The following ANXA3 variants were observed in gnomAD, a reference collection of about 807,000 sequenced individuals.
The protein encoded by ANXA3 is 35-alpha calcimedin.
In ANXA3, 46 loss-of-function variants were observed where a neutral mutation model predicts 48.8. The observed-to-expected ratio is 0.94, with a 90% CI of 0.74 to 1.21. The LOEUF (loss-of-function observed/expected upper bound fraction) is 1.21. Ranked by LOEUF, ANXA3 falls within the 50% of genes most tolerant of loss-of-function variation. The probability of loss-of-function intolerance (pLI) is 0.00; values close to 1 mark genes in which losing one functional copy is unlikely to be tolerated. For missense variants in ANXA3, 383 were observed against 378.6 expected (o/e 1.01, Z -0.10); for synonymous variants, 128 against 134.7 (o/e 0.95, Z 0.35).
intron 2 of ANXA3, among the ~76,000 whole-genome samples, chr4:78,560,431 G>A (rs114072437): frequency 0.018 from 2,704 of 152,262 alleles, 94 homozygotes; most frequent in African/African-American, 0.062. Flanking sequence ...AGTTTATTAT[G>A]AGGGATACCC....
At chr4:78,585,004 G>A (rs575182805) in intron 5 of ANXA3, among the ~76,000 whole-genome samples, 1 of 152,178 alleles carries the variant, frequency 6.6e-6, no homozygotes, top group Non-Finnish European at 1.5e-5. Context: ...TGTGTTGGGC[G>A]CAAGTCCAGT....
chr4:78,604,771 A>T (rs190765643), intron 12 of ANXA3, among the ~76,000 whole-genome samples: 6 of 152,342 alleles, frequency 3.9e-5, no homozygotes, highest in African/African-American at 1.2e-4. Flanking sequence ...TTTACATGAG[A>T]CAGCATGGTT....
At chr4:78,580,619 T>A (rs901594070) in intron 4 of ANXA3, among the ~76,000 whole-genome samples, 3 of 152,180 alleles carry the variant, frequency 2.0e-5, no homozygotes, top group Non-Finnish European at 2.9e-5. Context: ...CGGCCAACTG[T>A]TGAGAGGGTC....
At chr4:78,601,019 A>T (rs1723523320) in intron 10 of ANXA3, among the ~76,000 whole-genome samples, 1 of 152,202 alleles carries the variant, frequency 6.6e-6, no homozygotes, top group Non-Finnish European at 1.5e-5. Context: ...ATTCTAATCC[A>T]GTCATTTAAA....
At chr4:78,553,741 G>C (rs922047555) in intron 1 of ANXA3, among the ~76,000 whole-genome samples, 4 of 152,212 alleles carry the variant, frequency 2.6e-5, no homozygotes, top group Admixed American at 6.5e-5. Context: ...TTCTCTGGGG[G>C]TGTCAGGGAA....
At chr4:78,593,729 T>TGGGCCCAAGCAGACCTCCC (rs1723353894) in intron 7 of ANXA3, among the ~76,000 whole-genome samples, 1 of 149,132 alleles carries the variant, frequency 6.7e-6, no homozygotes, top group Non-Finnish European at 1.5e-5. Flanking sequence ...CTCGACCTCC[T>TGGGCCCAAGCAGACCTCCC]GGGCCCAAGC....
intron 6 of ANXA3, among the ~76,000 whole-genome samples, chr4:78,590,268 A>G (rs1357353400): frequency 6.6e-6 from 1 of 152,218 alleles, no homozygotes; most frequent in East Asian, 1.9e-4. Context: ...AATGATGCCT[A>G]CTAAATATTA....
chr4:78,597,286 T>C, intron 9 of ANXA3, 33 bp from the exon 10 acceptor site: 3 of 1,392,910 alleles, frequency 2.2e-6, no homozygotes, highest in Non-Finnish European at 2.0e-6. Flanking sequence ...TCAACTGCGT[T>C]GCTTTAAATA....
At chr4:78,587,859 TGAG>T (rs999973646) in intron 6 of ANXA3, among the ~76,000 whole-genome samples, 16 of 152,244 alleles carry the variant, frequency 1.1e-4, no homozygotes, top group South Asian at 1.0e-3. Flanking sequence ...TTGGGGAGGC[TGAG>T]GTCAGCGGAT....
At chr4:78,552,988 A>C (rs1722430655) in intron 1 of ANXA3, among the ~76,000 whole-genome samples, 1 of 152,264 alleles carries the variant, frequency 6.6e-6, no homozygotes, top group Non-Finnish European at 1.5e-5. Flanking sequence ...AATTCTGTTT[A>C]AGTCATTTGG....
At chr4:78,573,828 GGT>G (rs1372623711) in intron 3 of ANXA3, among the ~76,000 whole-genome samples, 2 of 152,116 alleles carry the variant, frequency 1.3e-5, no homozygotes, top group African/African-American at 4.8e-5. Context: ...GGCACTGGTG[GGT>G]GTGTGATTGA....
chr4:78,586,497 A>C (rs1411321113), intron 6 of ANXA3, 147 bp downstream of exon 6: 1 of 577,784 alleles, frequency 1.7e-6, no homozygotes, highest in African/African-American at 1.9e-5. Context: ...TCAGCTAAAG[A>C]CTATGAGTTT....
chr4:78,557,235 T>A (rs1324285974), intron 2 of ANXA3, among the ~76,000 whole-genome samples: 2 of 152,206 alleles, frequency 1.3e-5, no homozygotes, highest in Non-Finnish European at 2.9e-5. Context: ...GAACCAGCAA[T>A]GATGCATCAA....
At chr4:78,568,742 T>G (rs1240880661) in intron 2 of ANXA3, among the ~76,000 whole-genome samples, 1 of 152,184 alleles carries the variant, frequency 6.6e-6, no homozygotes, top group African/African-American at 2.4e-5. Flanking sequence ...CCAGGGGCAA[T>G]AGCAAACAGC....
chr4:78,569,289 G>C (rs565830434), intron 2 of ANXA3, among the ~76,000 whole-genome samples: 29 of 151,856 alleles, frequency 1.9e-4, no homozygotes, highest in Admixed American at 9.8e-4. Context: ...AATAGACTTT[G>C]CCAAGTATTC....
At chr4:78,607,637 A>G (rs1231777115) in intron 12 of ANXA3, among the ~76,000 whole-genome samples, 5 of 152,096 alleles carry the variant, frequency 3.3e-5, no homozygotes. Flanking sequence ...GCCACTCACA[A>G]TCAACTCATA....
chr4:78,553,863 G>A (rs571895209), intron 1 of ANXA3: 1 of 152,330 alleles, frequency 6.6e-6, no homozygotes, highest in South Asian at 2.1e-4. Flanking sequence ...AATGTGTCTG[G>A]CTTCCCAATC....
At chr4:78,595,539 TC>T in intron 8 of ANXA3, 102 bp downstream of exon 8, 17 of 1,285,040 alleles carry the variant, frequency 1.3e-5, no homozygotes, top group Admixed American at 4.6e-5. Flanking sequence ...CAGGGACTTT[TC>T]TTTTTTTTTT....
intron 12 of ANXA3, among the ~76,000 whole-genome samples, chr4:78,606,066 TG>T (rs1286464205): frequency 1.3e-5 from 2 of 152,226 alleles, no homozygotes; most frequent in African/African-American, 4.8e-5. Context: ...GGTTGGTGAG[TG>T]GAGCAATCCA....
Sources: gnomAD v4.1 joint callset for allele counts (sites outside exome capture counted in the v4.1 genomes callset) on GRCh38, gnomAD v4.1.1 for gene constraint, MANE v1.5 for transcripts, NCBI Gene and HGNC (gene_info 2026-07-23, HGNC 2026-07-21) for gene names.